The following SNCAIP variants were observed in gnomAD, a reference collection of about 807,000 sequenced individuals.
SNCAIP encodes synuclein alpha interacting protein.
In SNCAIP, 43 loss-of-function variants were observed where a neutral mutation model predicts 86.7. That is an observed-to-expected ratio of 0.50 (90% CI 0.39 to 0.64). SNCAIP has a LOEUF of 0.64. SNCAIP is among the 30% of genes least tolerant of loss of function. The pLI is 0.00. For synonymous variants in SNCAIP, 417 were observed against 427.2 expected, an observed-to-expected ratio of 0.98 and a Z score of 0.29; for missense variants, 981 against 1,103.1, an observed-to-expected ratio of 0.89 and a Z score of 1.57.
intron 6 of SNCAIP, chr5:122,437,371 A>C (rs1396548311): frequency 6.6e-6 from 1 of 152,144 alleles, no homozygotes; most frequent in Non-Finnish European, 1.5e-5. Context: ...TTTTACCAAA[A>C]CCAGAGACTC....
At chr5:122,445,667 C>A (rs554217413) in intron 8 of SNCAIP, among the ~76,000 whole-genome samples, 74 of 149,982 alleles carry the variant, frequency 4.9e-4, no homozygotes, top group African/African-American at 1.6e-3. Flanking sequence ...CACACACACA[C>A]ACACACATTT....
chr5:122,457,614 ACTCT>A (rs896124244), intron 10 of SNCAIP, among the ~76,000 whole-genome samples: 7 of 145,156 alleles, frequency 4.8e-5, no homozygotes, highest in African/African-American at 1.3e-4. Context: ...TCTCTCTCTC[ACTCT>A]CTCTCTCTTT....
At chr5:122,348,008 G>A (rs1412153995) in intron 1 of SNCAIP, among the ~76,000 whole-genome samples, 1 of 152,024 alleles carries the variant, frequency 6.6e-6, no homozygotes, top group Non-Finnish European at 1.5e-5. Flanking sequence ...ATAGTTTGTT[G>A]TTACATCTTA....
chr5:122,388,818 A>G (rs929312467), intron 1 of SNCAIP: 1 of 152,276 alleles, frequency 6.6e-6, no homozygotes, highest in Non-Finnish European at 1.5e-5. Flanking sequence ...GATCATGAAC[A>G]GAATGAGACA....
chr5:122,385,197 G>A (rs1282255178), intron 1 of SNCAIP, among the ~76,000 whole-genome samples: 1 of 152,154 alleles, frequency 6.6e-6, no homozygotes. Flanking sequence ...CTTCTTGTTT[G>A]TCTCCCCTGG....
At chr5:122,457,923 A>G (rs1251544343) in intron 10 of SNCAIP, among the ~76,000 whole-genome samples, 1 of 152,226 alleles carries the variant, frequency 6.6e-6, no homozygotes. Context: ...TGTCCATGTT[A>G]TGAGAAGCCA....
intron 1 of SNCAIP, among the ~76,000 whole-genome samples, chr5:122,367,934 A>T (rs960115557): frequency 2.6e-5 from 4 of 152,148 alleles, no homozygotes; most frequent in African/African-American, 9.7e-5. Context: ...ACATAGGTCT[A>T]TATATATTTT....
chr5:122,428,503 T>TCAAGTACAC (rs1433321417), intron 5 of SNCAIP, among the ~76,000 whole-genome samples: 1 of 151,814 alleles, frequency 6.6e-6, no homozygotes, highest in East Asian at 1.9e-4. Context: ...AACATTCTTG[T>TCAAGTACAC]CAAGTACACA....
chr5:122,401,879 G>A (rs895117469), intron 2 of SNCAIP, among the ~76,000 whole-genome samples: 5 of 152,180 alleles, frequency 3.3e-5, no homozygotes, highest in African/African-American at 4.8e-5. Flanking sequence ...AAGCTACAGC[G>A]AATACATCAG....
intron 1 of SNCAIP, among the ~76,000 whole-genome samples, chr5:122,359,514 C>G (rs1211288614): frequency 6.6e-6 from 1 of 151,848 alleles, no homozygotes; most frequent in Non-Finnish European, 1.5e-5. Context: ...CGGGCACGTG[C>G]CACCACGCCT....
intron 10 of SNCAIP, among the ~76,000 whole-genome samples, chr5:122,452,559 A>AT (rs1783912848): frequency 6.6e-6 from 1 of 152,234 alleles, no homozygotes; most frequent in African/African-American, 2.4e-5. Flanking sequence ...TATTTCTCTA[A>AT]TAAGTTGAAC....
At chr5:122,354,021 A>G (rs537855003) in intron 1 of SNCAIP, among the ~76,000 whole-genome samples, 1 of 152,306 alleles carries the variant, frequency 6.6e-6, no homozygotes, top group Admixed American at 6.5e-5. Context: ...TACTTAATAC[A>G]TGTATATTGA....
At chr5:122,344,133 G>T (rs761890682) in intron 1 of SNCAIP, among the ~76,000 whole-genome samples, 4 of 151,902 alleles carry the variant, frequency 2.6e-5, no homozygotes, top group Non-Finnish European at 4.4e-5. Flanking sequence ...ATTGTTTATT[G>T]TTCTCCTCCT....
chr5:122,361,041 A>G (rs1483596140), intron 1 of SNCAIP, among the ~76,000 whole-genome samples: 1 of 152,082 alleles, frequency 6.6e-6, no homozygotes, highest in Non-Finnish European at 1.5e-5. Context: ...ATTAATACCT[A>G]TATTCTATAA....
In SNCAIP at chr5:122,449,933, C is replaced by G; in HGVS notation, c.1681C>G (p.Pro561Ala). ...AGAGGGCAAGTCACTCCCTTCTTCA[C>G]CCAGGTAATACCAGCACATTGTTGT... ...KSEGKSLPSS[P>A]SSPSSPASRK... The change falls in exon 9 of 11, where the codon CCC becomes GCC. Residue 561 changes from proline (P) to alanine (A), a missense_variant. Physicochemically the swap from Pro to Ala is conservative, Grantham distance 27. Transcript: ENST00000261368. 2.5e-6 allele frequency: 4 copies of G among 1,603,478 alleles called. No individual in the cohort carries two copies. The highest frequency in any genetic ancestry group is 3.4e-6 in the Non-Finnish European group (4 of 1,170,310).
chr5:122,429,914 T>C (rs947034640), intron 5 of SNCAIP, among the ~76,000 whole-genome samples: 2 of 152,148 alleles, frequency 1.3e-5, no homozygotes, highest in Non-Finnish European at 2.9e-5. Context: ...GGGACTCAGA[T>C]GGCCAATGGC....
At chr5:122,355,813 T>C (rs1760883827) in intron 1 of SNCAIP, among the ~76,000 whole-genome samples, 1 of 152,158 alleles carries the variant, frequency 6.6e-6, no homozygotes, top group African/African-American at 2.4e-5. Context: ...GTGACAACAC[T>C]GTATCTGTGA....
In SNCAIP at chr5:122,423,158, G is replaced by C. The variant is rs771525708; in HGVS notation, c.421G>C (p.Gly141Arg). The part of the protein sequence containing the change: ...GKSSEPSTSL[G>R]ELEHYDLDMD... ...GAGCTCTGAGCCCAGCACATCGCTG[G>C]GTGAACTGGAGCACTACGACCTCGA... Residue 141 changes from glycine (G) to arginine (R), a missense_variant, in exon 4 of 11, where the codon GGT becomes CGT. Physicochemically the swap from Gly to Arg is moderately radical, Grantham distance 125. Transcript: ENST00000261368. 40 of 1,613,996 alleles carry C rather than the reference G, an allele frequency of 2.5e-5. No homozygotes were observed. Among genetic ancestry groups the C allele is most frequent in the Non-Finnish European group, 3.3e-5 (39 of 1,180,030 alleles).
intron 1 of SNCAIP, among the ~76,000 whole-genome samples, chr5:122,357,421 A>T (rs1761247001): frequency 6.6e-6 from 1 of 151,860 alleles, no homozygotes; most frequent in Non-Finnish European, 1.5e-5. Context: ...TTTTTAGTAG[A>T]GACAGGGTTT....
Sources: gnomAD v4.1 joint callset for allele counts (sites outside exome capture counted in the v4.1 genomes callset) on GRCh38, gnomAD v4.1.1 for gene constraint, MANE v1.5 for transcripts, NCBI Gene and HGNC (gene_info 2026-07-23, HGNC 2026-07-21) for gene names.